The following VCAN variants were observed in gnomAD, a reference collection of about 807,000 sequenced individuals.
The protein encoded by VCAN is versican core protein.
In VCAN, 44 loss-of-function variants were observed where a neutral mutation model predicts 245.5. That is an observed-to-expected ratio of 0.18 (90% CI 0.14 to 0.23). VCAN has a LOEUF of 0.23. Among genes scored for constraint, VCAN ranks in the 10% least tolerant of loss-of-function variants. VCAN has a pLI of 1.00. For synonymous variants in VCAN, 1,413 were observed against 1,437.0 expected (o/e 0.98, Z 0.38); for missense variants, 3,793 against 4,057.9 (o/e 0.93, Z 1.77).
rs187491688 is a variant in VCAN, at chr5:83,506,580, C to T, written c.749-5523C>T. On this transcript the variant is annotated intron_variant, in intron 5 of 14. Transcript: ENST00000265077. ...AAGCCTCTAGGAAGTTCCAAACTTT[C>T]CCACATTTTCCTCTCTTCTTCTGAG... 7.3e-3 allele frequency among the ~76,000 whole-genome samples: 1,109 copies of T among 152,250 alleles called. 13 individuals carry two copies. The highest frequency in any genetic ancestry group is 0.025 in the African/African-American group (1,041 of 41,532).
Position 83,490,372 on chromosome 5 carries a change from C to T in VCAN, c.345C>T (p.Leu115=). 6.2e-7 allele frequency: 1 copy of T among 1,614,214 alleles called. No homozygotes were observed. The highest frequency in any genetic ancestry group is 8.5e-7 in the Non-Finnish European group (1 of 1,180,048). Residue 115 remains leucine, a synonymous_variant, in exon 3 of 15, where the codon CTC becomes CTT. Transcript: ENST00000265077. Reference sequence around the variant, plus strand: ...CCGAGGCTGTGGGCGATGCCTCCCTCACTGTGGTCAAGCTGCTGGCAAGTG... The same window carrying T: ...CCGAGGCTGTGGGCGATGCCTCCCTTACTGTGGTCAAGCTGCTGGCAAGTG... The part of the protein sequence containing the change: ...THPEAVGDAS[L]TVVKLLASDA...
chr5:83,521,036 A>G lies in VCAN; in HGVS notation c.2730A>G (p.Thr910=). 6.2e-7 allele frequency: 1 copy of G among 1,613,920 alleles called. No individual in the cohort carries two copies. The highest frequency in any genetic ancestry group is 8.5e-7 in the Non-Finnish European group (1 of 1,179,942). ...STTEEKVPPI[T]STEGQVYATM... is the part of the protein sequence containing the mutation. ...CTGAAGAAAAAGTTCCACCTATCACAAGCACTGAAGGCCAAGTTTATGCAA... is the reference window on the plus strand; with the variant it reads ...CTGAAGAAAAAGTTCCACCTATCACGAGCACTGAAGGCCAAGTTTATGCAA... Residue 910 remains threonine (T), a synonymous_variant, in exon 7 of 15, where the codon ACA becomes ACG. Coordinates refer to ENST00000265077, the MANE Select transcript of VCAN (RefSeq NM_004385.5).
chr5:83,542,771 A>G (rs577258082), intron 8 of VCAN, among the ~76,000 whole-genome samples: 1 of 152,184 alleles, frequency 6.6e-6, no homozygotes, highest in Non-Finnish European at 1.5e-5. Flanking sequence ...ATATCAGCTC[A>G]TACTTATATG....
chr5:83,569,824 A>G (rs1401364827), intron 12 of VCAN, among the ~76,000 whole-genome samples: 4 of 152,104 alleles, frequency 2.6e-5, no homozygotes, highest in Admixed American at 6.6e-5. Context: ...CCAAATATAG[A>G]TTTTTGTTAG....
chr5:83,528,755 A>G (rs1006545778), intron 7 of VCAN, among the ~76,000 whole-genome samples: 2 of 152,148 alleles, frequency 1.3e-5, no homozygotes, highest in Non-Finnish European at 2.9e-5. Context: ...TTAAAGGTTT[A>G]TGACATCTTA....
In VCAN at chr5:83,550,887, C is replaced by CAAAAAAAA. The variant is rs57081110; in HGVS notation, c.9494-2463_9494-2456dup. ...GGGTGACAAGAGTGAGACTCCATCT[C>CAAAAAAAA]AAAAAAAAAAAAAAAAAAAAAGTGA... On this transcript the variant is annotated intron_variant, in intron 10 of 14. Transcript: ENST00000265077. Among the ~76,000 whole-genome samples the CAAAAAAAA allele has an allele frequency of 3.4e-4, 17 of 50,090 alleles. 2 individuals are homozygous for CAAAAAAAA. The highest frequency in any genetic ancestry group is 1.1e-3 in the Admixed American group (3 of 2,822). 32.9% of individuals were successfully genotyped at this position (50,090 alleles called of 152,430 possible). A position where few individuals can be genotyped will look rare whatever the true frequency, so the allele number is the denominator to read the frequency against.
intron 3 of VCAN, 79 bp from the exon 4 acceptor site, chr5:83,493,467 C>A: frequency 6.4e-7 from 1 of 1,564,322 alleles, no homozygotes; most frequent in Non-Finnish European, 8.8e-7. Context: ...TAAGTTGATA[C>A]ATTGCTCCAA....
intron 1 of VCAN, among the ~76,000 whole-genome samples, chr5:83,475,740 C>A (rs937545129): frequency 1.3e-5 from 2 of 152,150 alleles, no homozygotes; most frequent in Non-Finnish European, 2.9e-5. Flanking sequence ...TGTGATTGAG[C>A]AATTACTTCC....
intron 12 of VCAN, among the ~76,000 whole-genome samples, chr5:83,570,813 A>C (rs1748258959): frequency 7.8e-6 from 1 of 128,458 alleles, no homozygotes; most frequent in African/African-American, 3.0e-5. Context: ...TAGTAGAGTA[A>C]TTGGACCTTC....
intron 3 of VCAN, 90 bp from the exon 4 acceptor site, chr5:83,493,456 C>A: frequency 6.8e-7 from 1 of 1,478,262 alleles, no homozygotes; most frequent in Non-Finnish European, 9.4e-7. Flanking sequence ...ATGTATCCAA[C>A]TAAGTTGATA....
chr5:83,547,882 T>C, intron 9 of VCAN, 89 bp from the exon 10 acceptor site: 1 of 871,464 alleles, frequency 1.1e-6, no homozygotes, highest in Non-Finnish European at 1.9e-6. Flanking sequence ...TAACTGGCTG[T>C]CTTGTATGTT....
At position 83,541,991 on chromosome 5, in the gene VCAN, A is replaced by C; in HGVS notation, c.8988A>C (p.Pro2996=). The C allele has an allele frequency of 6.2e-7, 1 of 1,613,180 alleles. No homozygotes were observed. Among genetic ancestry groups the C allele is most frequent in the Non-Finnish European group, 8.5e-7 (1 of 1,179,398 alleles). The change falls in exon 8 of 15, where the codon CCA becomes CCC. Residue 2996 remains proline, a synonymous_variant. Transcript: ENST00000265077. ...CAGGTGTGGTGCCTTGGCTAAGTCC[A>C]CAGACTTCTGAGAGGCCCACGCTTT... ...VEAGVVPWLS[P]QTSERPTLSS...
intron 12 of VCAN, among the ~76,000 whole-genome samples, chr5:83,564,951 G>A (rs1748018240): frequency 6.6e-6 from 1 of 152,050 alleles, no homozygotes; most frequent in Admixed American, 6.6e-5. Context: ...CTAAACTATG[G>A]CGAATTTTAA....
At position 83,580,652 on chromosome 5, in the gene VCAN, G is replaced by A. The variant is rs532122355; in HGVS notation, c.*218G>A. 1.9e-3 allele frequency: 1,219 copies of A among 631,826 alleles called. 32 individuals carry two copies. The South Asian group carries it at 0.021, about 11-fold the overall frequency. The allele number at this position is 631,826 out of a possible 1,614,324, so 39.1% of individuals were successfully genotyped here. On this transcript the variant is annotated 3_prime_UTR_variant, in exon 15 of 15. Coordinates refer to ENST00000265077, the MANE Select transcript of VCAN (RefSeq NM_004385.5). ...GAAAGAAAATGAGAGCAGAAAGTAA[G>A]CATTTCCAGCCTATCTAATTTCTTT... is the stretch of plus-strand genomic sequence containing the variant.
At chr5:83,578,029 C>A (rs989440972) in intron 13 of VCAN, among the ~76,000 whole-genome samples, 1 of 152,172 alleles carries the variant, frequency 6.6e-6, no homozygotes, top group Non-Finnish European at 1.5e-5. Context: ...TTGAATTGAT[C>A]ATTTTTAACC....
Position 83,537,273 on chromosome 5 carries a change from C to T in VCAN, c.4270C>T (p.Pro1424Ser). 1 of 1,613,874 alleles carries T rather than the reference C, an allele frequency of 6.2e-7. No homozygotes were observed. The highest frequency in any genetic ancestry group is 8.5e-7 in the Non-Finnish European group (1 of 1,179,940). Residue 1424 changes from proline to serine, a missense_variant, in exon 8 of 15, where the codon CCA (proline) becomes TCA (serine). Transcript: ENST00000265077. Reference protein sequence around the residue: ...KHLVTTVPKDPEAAEARRGQF... With the variant: ...KHLVTTVPKDSEAAEARRGQF... ...TCTCGTTACCACTGTGCCCAAGGAC[C>T]CAGAAGCTGCAGAAGCTAGGCGTGG...
chr5:83,537,506 C>T lies in VCAN; in HGVS notation c.4503C>T (p.Phe1501=). The T allele has an allele frequency of 6.2e-7, 1 of 1,613,912 alleles. No homozygotes were observed. ...TTTCAGGTGGTGAGCCTGATGTTTT[C>T]CCCACAGTCCCATTCCATGAGGAAT... ...EHFSGGEPDV[F]PTVPFHEEFE... Residue 1501 remains phenylalanine, a synonymous_variant, in exon 8 of 15, where the codon TTC becomes TTT. Transcript: ENST00000265077.
In VCAN at chr5:83,520,445, G is replaced by A; in HGVS notation, c.2139G>A (p.Met713Ile). Residue 713 changes from methionine (M) to isoleucine (I), a missense_variant, in exon 7 of 15, where the codon ATG (methionine) becomes ATA (isoleucine). Met to Ile is a conservative substitution (Grantham distance 10). This residue lies in a region of VCAN where 3,182 missense variants were observed against 3,250.3 expected (regional missense o/e 0.98). Transcript: ENST00000265077. ...AAGAGATCACTAAAAGTCCATTTAT[G>A]GGAAAAACAGAAGAAGAAGTCTTCT... ...IQEEITKSPF[M>I]GKTEEEVFSG... 6.2e-7 allele frequency: 1 copy of A among 1,613,876 alleles called. No individual in the cohort carries two copies. Among genetic ancestry groups the A allele is most frequent in the South Asian group, 1.1e-5 (1 of 91,064 alleles).
Position 83,471,761 on chromosome 5 carries a change from C to A in VCAN, c.-269C>A. 1 of 398,764 alleles carries A rather than the reference C, an allele frequency of 2.5e-6. No individual in the cohort carries two copies. The allele number at this position is 398,764 out of a possible 1,614,324, so 24.7% of individuals were successfully genotyped here. On this transcript the variant is annotated 5_prime_UTR_variant, in exon 1 of 15. Transcript: ENST00000265077. ...CACAACCCGCATTTGAACTTGCAGG[C>A]GAGCTGCCCCGAGCCTTTCTGGGGA... is the stretch of plus-strand genomic sequence containing the variant.
Sources: gnomAD v4.1 joint callset for allele counts (sites outside exome capture counted in the v4.1 genomes callset) on GRCh38, gnomAD v4.1.1 for gene constraint, gnomAD v4.1.1 regional missense constraint, MANE v1.5 for transcripts, NCBI Gene and HGNC (gene_info 2026-07-23, HGNC 2026-07-21) for gene names.